The following PECR variants were observed in gnomAD, a reference collection of about 807,000 sequenced individuals.
PECR encodes peroxisomal trans-2-enoyl-CoA reductase.
PECR carries 30 observed loss-of-function variants against 35.3 expected under a neutral mutation model. The observed-to-expected ratio is 0.85, with a 90% CI of 0.64 to 1.15. PECR has a LOEUF of 1.15. PECR is among the 50% of genes most tolerant of loss of function. The probability of loss-of-function intolerance (pLI) is 0.00; values close to 1 mark genes in which losing one functional copy is unlikely to be tolerated. For missense variants in PECR, 392 were observed against 370.8 expected (o/e 1.06, Z -0.47); for synonymous variants, 148 against 138.9 (o/e 1.07, Z -0.46).
At chr2:216,066,587 A>G in intron 1 of PECR, 69 bp from the exon 2 acceptor site, 2 of 1,414,178 alleles carry the variant, frequency 1.4e-6, no homozygotes, top group Admixed American at 1.7e-5. Flanking sequence ...TTACACCTTG[A>G]AAAGTAAACC....
chr2:216,053,109 C>T (rs1695152041), intron 4 of PECR, among the ~76,000 whole-genome samples: 1 of 152,180 alleles, frequency 6.6e-6, no homozygotes. Context: ...CCGCCTCAGC[C>T]TCCCAAAGTG....
At chr2:216,041,557 C>T (rs1029751972) in intron 7 of PECR, among the ~76,000 whole-genome samples, 1 of 152,156 alleles carries the variant, frequency 6.6e-6, no homozygotes, top group African/African-American at 2.4e-5. Flanking sequence ...CCCCATCTCC[C>T]GCATACAACT....
At chr2:216,036,427 G>A (rs1451610081), downstream of PECR, among the ~76,000 whole-genome samples, 2 of 152,214 alleles carry the variant, frequency 1.3e-5, no homozygotes, top group East Asian at 1.9e-4. Flanking sequence ...GCTCTTGCCA[G>A]GGGACATAAG....
chr2:216,043,101 G>A (rs548984187), intron 7 of PECR, among the ~76,000 whole-genome samples: 49 of 121,136 alleles, frequency 4.0e-4, no homozygotes, highest in Non-Finnish European at 5.8e-4. Context: ...ATATATGTAT[G>A]CGTATATATA....
downstream of PECR, among the ~76,000 whole-genome samples, chr2:216,033,490 G>A (rs1419661566): frequency 2.6e-5 from 4 of 152,056 alleles, no homozygotes; most frequent in Admixed American, 6.6e-5. Flanking sequence ...GAGCCCTGAA[G>A]GAACTGGCAG....
chr2:216,076,489 C>T (rs998409638), intron 1 of PECR, among the ~76,000 whole-genome samples: 7 of 152,206 alleles, frequency 4.6e-5, no homozygotes, highest in African/African-American at 1.4e-4. Flanking sequence ...ATGAAATATA[C>T]ATGCTTCCAT....
chr2:216,065,537 C>G (rs750568435), intron 2 of PECR, 60 bp from the exon 3 acceptor site: 10 of 993,844 alleles, frequency 1.0e-5, no homozygotes, highest in African/African-American at 1.6e-5. Context: ...CTTGCTACCT[C>G]GCCTGATTGA....
In PECR at chr2:216,058,084, T is replaced by C. The variant is rs6735290; in HGVS notation, c.506+811A>G. ...GCTAACATTGTGGCTGAACCTAACATGCCCTTTCCGCAGTGGCTCTGCAGG... is the reference window on the plus strand; with the variant it reads ...GCTAACATTGTGGCTGAACCTAACACGCCCTTTCCGCAGTGGCTCTGCAGG... On this transcript the variant is annotated intron_variant, in intron 4 of 7. Transcript: ENST00000265322. The C allele has an allele frequency of 2.2e-3, 335 of 152,318 alleles. 3 individuals carry two copies. The highest frequency in any genetic ancestry group is 7.6e-3 in the African/African-American group (316 of 41,498). 9.4% of individuals were successfully genotyped at this position (152,318 alleles called of 1,614,324 possible).
intron 4 of PECR, among the ~76,000 whole-genome samples, chr2:216,056,908 C>T (rs960402517): frequency 2.6e-5 from 4 of 151,900 alleles, no homozygotes; most frequent in Admixed American, 1.3e-4. Context: ...GAAAAGGAAA[C>T]GATTCTTAAG....
At chr2:216,036,603 T>C (rs962876194), downstream of PECR, among the ~76,000 whole-genome samples, 2 of 152,236 alleles carry the variant, frequency 1.3e-5, no homozygotes, top group African/African-American at 4.8e-5. Flanking sequence ...TGTCAATGCA[T>C]ACTTTCAGCA....
rs114477873 is a variant in PECR at position 216,058,152 on chromosome 2, C to T, written c.506+743G>A. On this transcript the variant is annotated intron_variant, in intron 4 of 7. Coordinates refer to ENST00000265322, the MANE Select transcript of PECR (RefSeq NM_018441.6). Reference sequence around the variant, plus strand: ...GGGCTTGCACGACGGCTGCGCTCTGCCCCCAGAGTTTCTCTTGCAGCAGAT... The same window carrying T: ...GGGCTTGCACGACGGCTGCGCTCTGTCCCCAGAGTTTCTCTTGCAGCAGAT... Among the ~76,000 whole-genome samples, 821 of 152,252 alleles carry T rather than the reference C, an allele frequency of 5.4e-3. 14 individuals are homozygous for T. The highest frequency in any genetic ancestry group is 0.019 in the African/African-American group (778 of 41,498).
intron 7 of PECR, among the ~76,000 whole-genome samples, chr2:216,041,226 TAAGG>T (rs1694881169): frequency 6.6e-6 from 1 of 152,200 alleles, no homozygotes; most frequent in African/African-American, 2.4e-5. Context: ...ACTGAAGGCC[TAAGG>T]AAGAAGCTAT....
chr2:216,067,561 T>G lies in PECR; in HGVS notation c.125-1043A>C, dbSNP rs1209579606. 2.0e-5 allele frequency among the ~76,000 whole-genome samples: 3 copies of G among 149,838 alleles called. No homozygotes were observed. In the East Asian group the frequency reaches 6.2e-4, roughly 31 times the overall value. On this transcript the variant is annotated intron_variant, in intron 1 of 7. Coordinates refer to ENST00000265322, the MANE Select transcript of PECR (RefSeq NM_018441.6). ...AAGAATATATACATATTTTTTCTTTTTCTTTTTTTTTTTTGAGACGGAGTC... is the reference window on the plus strand; with the variant it reads ...AAGAATATATACATATTTTTTCTTTGTCTTTTTTTTTTTTGAGACGGAGTC...
intron 1 of PECR, among the ~76,000 whole-genome samples, chr2:216,073,307 T>C (rs113766761): frequency 6.8e-4 from 103 of 152,344 alleles, no homozygotes; most frequent in Non-Finnish European, 1.3e-3. Context: ...AGACCACATG[T>C]ATGGCAGTGG....
chr2:216,064,661 TAGAC>T (rs781163059), intron 3 of PECR, among the ~76,000 whole-genome samples: 1 of 152,232 alleles, frequency 6.6e-6, no homozygotes, highest in African/African-American at 2.4e-5. Flanking sequence ...TATCACGACT[TAGAC>T]AGAGGTTGAT....
At chr2:216,056,934 A>T (rs1009107692) in intron 4 of PECR, among the ~76,000 whole-genome samples, 18 of 152,240 alleles carry the variant, frequency 1.2e-4, no homozygotes, top group Non-Finnish European at 7.3e-5. Flanking sequence ...AAAAGCAAGA[A>T]GTATCTGAAA....
chr2:216,043,095 A>ACG (rs1694926772), intron 7 of PECR, among the ~76,000 whole-genome samples: 1 of 144,482 alleles, frequency 6.9e-6, no homozygotes, highest in Admixed American at 6.9e-5. Flanking sequence ...ATACATATAT[A>ACG]TGTATGCGTA....
intron 7 of PECR, among the ~76,000 whole-genome samples, chr2:216,031,647 AAAAGAAAGAAAGAAAGAAAG>A (rs200929112): frequency 1.1e-4 from 11 of 97,984 alleles, no homozygotes; most frequent in African/African-American, 4.1e-4. Context: ...AAGGAAGAAG[AAAAGAAAGAAAGAAAGAAAG>A]AAAGAAAGAA....
intron 1 of PECR, among the ~76,000 whole-genome samples, chr2:216,068,700 C>T (rs1026758818): frequency 4.6e-5 from 7 of 151,794 alleles, no homozygotes; most frequent in Non-Finnish European, 7.4e-5. Context: ...TGTGCAGTGG[C>T]GATCTTGGCA....
Sources: gnomAD v4.1 joint callset for allele counts (sites outside exome capture counted in the v4.1 genomes callset) on GRCh38, gnomAD v4.1.1 for gene constraint, MANE v1.5 for transcripts, NCBI Gene and HGNC (gene_info 2026-07-23, HGNC 2026-07-21) for gene names.